Variants in KCNQ1 observed in about 807,000 individuals in gnomAD.
KCNQ1 encodes the protein potassium voltage-gated channel subfamily KQT member 1.
KCNQ1 carries 49 observed loss-of-function variants against 72.4 expected under a neutral mutation model. The ratio of observed to expected loss-of-function variants is 0.68; its 90% CI spans 0.54 to 0.86. The LOEUF (loss-of-function observed/expected upper bound fraction) is 0.86. Among genes scored for constraint, KCNQ1 ranks in the 40% least tolerant of loss-of-function variants. KCNQ1 has a pLI of 0.00. For synonymous variants in KCNQ1, 450 were observed against 412.6 expected (o/e 1.09, Z -1.10); for missense variants, 790 against 945.1 (o/e 0.84, Z 2.15).
At position 2,536,062 on chromosome 11, in the gene KCNQ1, G is replaced by A. The variant is rs947558780; in HGVS notation, c.477+8044G>A. On this transcript the variant is annotated intron_variant, in intron 2 of 15. Transcript: ENST00000155840. The surrounding 1 kb of genome is among the most constrained non-coding windows in gnomAD (Gnocchi z 7.4). ...AGCCTCACTGGCCACATGCTCTGCC[G>A]AGCACACCCGCTGCTGTCCCCAGCC... Among the ~76,000 whole-genome samples the A allele has an allele frequency of 2.6e-5, 4 of 152,174 alleles. No individual in the cohort carries two copies. The highest frequency in any genetic ancestry group is 7.2e-5 in the African/African-American group (3 of 41,456).
At chr11:2,823,498 C>T (rs1847780611) in intron 15 of KCNQ1, among the ~76,000 whole-genome samples, 1 of 152,122 alleles carries the variant, frequency 6.6e-6, no homozygotes, top group Non-Finnish European at 1.5e-5. Flanking sequence ...AAGGAAGGCA[C>T]CAACAACAAG....
At chr11:2,455,535 G>T (rs1846179514) in intron 1 of KCNQ1, among the ~76,000 whole-genome samples, 2 of 152,202 alleles carry the variant, frequency 1.3e-5, no homozygotes, top group Admixed American at 1.3e-4. Context: ...CTCTACACAA[G>T]AGTTACAAAA....
Position 2,766,483 on chromosome 11 carries a change from T to C in KCNQ1, c.1515-2361T>C, listed in dbSNP as rs1030218108. Among the ~76,000 whole-genome samples, 2 of 152,218 alleles carry C rather than the reference T, an allele frequency of 1.3e-5. No homozygotes were observed. The highest frequency in any genetic ancestry group is 4.8e-5 in the African/African-American group (2 of 41,442). On this transcript the variant is annotated intron_variant, in intron 11 of 15. Coordinates refer to ENST00000155840, the MANE Select transcript of KCNQ1 (RefSeq NM_000218.3). The surrounding 1 kb of genome is among the most constrained non-coding windows in gnomAD (Gnocchi z 4.4). ...AGAATTCTAAGAGGGTAAGAGTAGA[T>C]GCCACAAGGTCCTTGAGGCTGAGCT...
rs1848240414 is a variant in KCNQ1, at chr11:2,565,915, C to G, written c.478-4713C>G. On this transcript the variant is annotated intron_variant, in intron 2 of 15. Transcript: ENST00000155840. This position sits in a 1 kb window ranked among gnomAD's most constrained non-coding sequence, Gnocchi z 5.6. ...GGAGGGTGCTGTGGTCCTGGTGGCT[C>G]TTGTGCCTGCACCCGCCTTGGGGCC... Among the ~76,000 whole-genome samples, 1 of 152,178 alleles carries G rather than the reference C, an allele frequency of 6.6e-6. No homozygotes were observed. Among genetic ancestry groups the G allele is most frequent in the East Asian group, 1.9e-4 (1 of 5,192 alleles).
chr11:2,496,513 T>TTTTTTTTG (rs1846922653), intron 1 of KCNQ1, among the ~76,000 whole-genome samples: 1 of 125,056 alleles, frequency 8.0e-6, no homozygotes, highest in Non-Finnish European at 1.7e-5. Flanking sequence ...TTTTTTTTTT[T>TTTTTTTTG]TTTTTTTGCT....
rs1462057858 is a variant in KCNQ1, at chr11:2,759,127, A to G, written c.1515-9717A>G. ...CTTGGTACTTTTTTTTTTTTTCCCAACTTCCTAGGAGTCTATAATTGTTTC... is the reference window on the plus strand; with the variant it reads ...CTTGGTACTTTTTTTTTTTTTCCCAGCTTCCTAGGAGTCTATAATTGTTTC... On this transcript the variant is annotated intron_variant, in intron 11 of 15. Transcript: ENST00000155840. This position sits in a 1 kb window ranked among gnomAD's most constrained non-coding sequence, Gnocchi z 4.4. Among the ~76,000 whole-genome samples the G allele has an allele frequency of 6.9e-6, 1 of 145,126 alleles. No homozygotes were observed. Among genetic ancestry groups the G allele is most frequent in the African/African-American group, 2.6e-5 (1 of 38,710 alleles).
At chr11:2,628,862 T>A (rs1202593037) in intron 10 of KCNQ1, 2 of 398,272 alleles carry the variant, frequency 5.0e-6, no homozygotes, top group Admixed American at 8.8e-5. Context: ...TGCCATTTAT[T>A]CAAGAGAGTA....
chr11:2,572,094 C>A lies in KCNQ1; in HGVS notation c.765C>A (p.Val255=), dbSNP rs762414308. ...CCTGGAGGCTCCTGGGCTCCGTGGTCTTCATCCACCGCCAGGTGGGTGGCC... is the reference window on the plus strand; with the variant it reads ...CCTGGAGGCTCCTGGGCTCCGTGGTATTCATCCACCGCCAGGTGGGTGGCC... The part of the protein sequence containing the change: ...GGTWRLLGSV[V]FIHRQELITT... The change falls in exon 5 of 16, where the codon GTC becomes GTA. Residue 255 remains valine, a synonymous_variant. Transcript: ENST00000155840. The A allele has an allele frequency of 1.2e-6, 2 of 1,612,264 alleles. No homozygotes were observed. The highest frequency in any genetic ancestry group is 1.7e-6 in the Non-Finnish European group (2 of 1,179,668).
chr11:2,676,629 A>C lies in KCNQ1; in HGVS notation c.1514+14548A>C, dbSNP rs1018896669. The C allele has an allele frequency of 4.5e-5, 18 of 398,530 alleles. No homozygotes were observed. The highest frequency in any genetic ancestry group is 3.5e-4 in the African/African-American group (17 of 48,624). 24.7% of individuals were successfully genotyped at this position (398,530 alleles called of 1,614,324 possible). On this transcript the variant is annotated intron_variant, in intron 11 of 15. Transcript: ENST00000155840. The surrounding 1 kb of genome is among the most constrained non-coding windows in gnomAD (Gnocchi z 4.2). ...AGGCCTCTAAGAAATGGGTAGCTTC[A>C]CAGATTCACAGATAGATAGTTCATT...
Position 2,654,497 on chromosome 11 carries a change from A to G in KCNQ1, c.1394-7464A>G. On this transcript the variant is annotated intron_variant, in intron 10 of 15. Transcript: ENST00000155840. This position sits in a 1 kb window ranked among gnomAD's most constrained non-coding sequence, Gnocchi z 6.4. ...CCTGCAGCCGTACAGGGGAGGGGGC[A>G]ATCTCCGGAGCCCTGGAAAGCTTGT... 2.5e-6 allele frequency: 1 copy of G among 398,722 alleles called. No individual in the cohort carries two copies. Among genetic ancestry groups the G allele is most frequent in the East Asian group, 3.6e-5 (1 of 28,070 alleles). 24.7% of individuals were successfully genotyped at this position (398,722 alleles called of 1,614,324 possible).
chr11:2,516,586 C>G lies in KCNQ1; in HGVS notation c.387-11342C>G, dbSNP rs764919148. Among the ~76,000 whole-genome samples the G allele has an allele frequency of 2.0e-5, 3 of 152,076 alleles. No individual in the cohort carries two copies. Among genetic ancestry groups the G allele is most frequent in the Admixed American group, 2.0e-4 (3 of 15,264 alleles). On this transcript the variant is annotated intron_variant, in intron 1 of 15. Transcript: ENST00000155840. This position sits in a 1 kb window ranked among gnomAD's most constrained non-coding sequence, Gnocchi z 7.0. Reference sequence around the variant, plus strand: ...CTGTTGGGTGCTCCTGATTGTGTAGCGGGTCCCCTGAAACCAACACACAGG... The same window carrying G: ...CTGTTGGGTGCTCCTGATTGTGTAGGGGGTCCCCTGAAACCAACACACAGG...
rs1288310841 is a variant in KCNQ1 at position 2,658,679 on chromosome 11, A to G, written c.1394-3282A>G. ...GCTTCAGTCTCCTCTCAGTGGACAG[A>G]GCTAGGAAATATATGTATGTATGTA... On this transcript the variant is annotated intron_variant, in intron 10 of 15. Coordinates refer to ENST00000155840, the MANE Select transcript of KCNQ1 (RefSeq NM_000218.3). The surrounding 1 kb of genome is among the most constrained non-coding windows in gnomAD (Gnocchi z 4.9). The G allele has an allele frequency of 5.0e-6, 2 of 398,386 alleles. No homozygotes were observed. The highest frequency in any genetic ancestry group is 4.1e-5 in the African/African-American group (2 of 48,594). The allele number at this position is 398,386 out of a possible 1,614,324, so 24.7% of individuals were successfully genotyped here.
Position 2,647,197 on chromosome 11 carries a change from T to G in KCNQ1, c.1394-14764T>G. 1 of 398,592 alleles carries G rather than the reference T, an allele frequency of 2.5e-6. No homozygotes were observed. The highest frequency in any genetic ancestry group is 4.4e-6 in the Non-Finnish European group (1 of 226,048). 24.7% of individuals were successfully genotyped at this position (398,592 alleles called of 1,614,324 possible). On this transcript the variant is annotated intron_variant, in intron 10 of 15. Coordinates refer to ENST00000155840, the MANE Select transcript of KCNQ1 (RefSeq NM_000218.3). The surrounding 1 kb of genome is among the most constrained non-coding windows in gnomAD (Gnocchi z 4.0). ...TTTTATCATGAAGAGATTTTGAATT[T>G]TATCAGATGCTTTTTCTGCATCTAT... is the stretch of plus-strand genomic sequence containing the variant.
chr11:2,763,801 A>AT (rs1227506720), intron 11 of KCNQ1, among the ~76,000 whole-genome samples: 1 of 152,004 alleles, frequency 6.6e-6, no homozygotes, highest in African/African-American at 2.4e-5. Context: ...GGCTCAAGTG[A>AT]TCCTCCCACC....
chr11:2,567,991 A>G lies in KCNQ1; in HGVS notation c.478-2637A>G, dbSNP rs115906096. The stretch of plus-strand genomic sequence containing the variant: ...TTTAAAAGTGCATCAAAACAAGGTC[A>G]GGCGCGGTGGCTCACGCTTATAATC... On this transcript the variant is annotated intron_variant, in intron 2 of 15. Transcript: ENST00000155840. The surrounding 1 kb of genome is among the most constrained non-coding windows in gnomAD (Gnocchi z 6.6). Among the ~76,000 whole-genome samples the G allele has an allele frequency of 3.7e-3, 569 of 152,376 alleles. 5 individuals carry two copies. Among genetic ancestry groups the G allele is most frequent in the African/African-American group, 0.012 (509 of 41,592 alleles).
At chr11:2,453,922 G>A (rs895892873) in intron 1 of KCNQ1, among the ~76,000 whole-genome samples, 3 of 152,208 alleles carry the variant, frequency 2.0e-5, no homozygotes, top group Non-Finnish European at 4.4e-5. Flanking sequence ...TTATTATGAA[G>A]TGATTATCAG....
chr11:2,485,513 TC>T (rs1403370272), intron 1 of KCNQ1, among the ~76,000 whole-genome samples: 1 of 152,184 alleles, frequency 6.6e-6, no homozygotes, highest in East Asian at 1.9e-4. Context: ...CTCTTGTAGA[TC>T]TTTAATTGCG....
rs1047278541 is a variant in KCNQ1 at position 2,690,398 on chromosome 11, A to G, written c.1514+28317A>G. On this transcript the variant is annotated intron_variant, in intron 11 of 15. Transcript: ENST00000155840. The surrounding 1 kb of genome is among the most constrained non-coding windows in gnomAD (Gnocchi z 5.1). ...GAACATGTGCCAGACCAAAAGAGCT[A>G]TCTCTCTCCCTGCGAAAGGCTGGGG... 1.8e-5 allele frequency: 7 copies of G among 398,590 alleles called. No individual in the cohort carries two copies. The highest frequency in any genetic ancestry group is 8.8e-6 in the Non-Finnish European group (2 of 226,132). The allele number at this position is 398,590 out of a possible 1,614,324, so 24.7% of individuals were successfully genotyped here.
intron 10 of KCNQ1, chr11:2,638,694 T>C (rs1446486012): frequency 6.6e-6 from 1 of 152,228 alleles, no homozygotes; most frequent in Non-Finnish European, 1.5e-5. Flanking sequence ...TGGCATTCTC[T>C]GTATTTCCTG....
Sources: allele counts gnomAD v4.1 joint callset (sites outside exome capture counted in the v4.1 genomes callset), GRCh38; gene constraint gnomAD v4.1.1; non-coding constraint Gnocchi (gnomAD v3.1); transcripts MANE v1.5; gene names NCBI Gene and HGNC (gene_info 2026-07-23, HGNC 2026-07-21).